The following JAK2 variants were observed in gnomAD, a reference collection of about 807,000 sequenced individuals.
The protein encoded by JAK2 is Janus kinase 2, also known as tyrosine-protein kinase JAK2.
In JAK2, 86 loss-of-function variants were observed where a neutral mutation model predicts 139.3. That is an observed-to-expected ratio of 0.62 (90% CI 0.52 to 0.74). JAK2 has a LOEUF of 0.74. Ranked by LOEUF, JAK2 falls within the 30% of genes least tolerant of loss-of-function variation. JAK2 has a pLI of 0.00. For missense variants in JAK2, 1,421 were observed against 1,360.3 expected (o/e 1.04, Z -0.70); for synonymous variants, 490 against 437.7 (o/e 1.12, Z -1.49).
intron 2 of JAK2, among the ~76,000 whole-genome samples, chr9:4,999,014 A>T (rs918080592): frequency 5.3e-5 from 8 of 151,088 alleles, no homozygotes; most frequent in Non-Finnish European, 8.9e-5. Flanking sequence ...TTCAGTAGAG[A>T]CGGGGTTTCA....
At chr9:5,041,708 T>C (rs1039694766) in intron 4 of JAK2, 1 of 504,512 alleles carries the variant, frequency 2.0e-6, no homozygotes, top group Non-Finnish European at 4.0e-6. Flanking sequence ...TGTTCGACTC[T>C]GAGTACGAGG....
At chr9:5,106,481 A>G (rs1006351787) in intron 22 of JAK2, among the ~76,000 whole-genome samples, 1 of 152,250 alleles carries the variant, frequency 6.6e-6, no homozygotes, top group Non-Finnish European at 1.5e-5. Flanking sequence ...CCACTGCAGA[A>G]GACAGTGTGG....
At chr9:4,989,404 C>G (rs1423935679) in intron 2 of JAK2, among the ~76,000 whole-genome samples, 2 of 151,812 alleles carry the variant, frequency 1.3e-5, no homozygotes, top group Non-Finnish European at 1.5e-5. Context: ...TTAGCCATAT[C>G]TTTTCAAGTT....
intron 2 of JAK2, among the ~76,000 whole-genome samples, chr9:5,004,778 C>T (rs944401453): frequency 6.6e-6 from 1 of 152,142 alleles, no homozygotes; most frequent in African/African-American, 2.4e-5. Flanking sequence ...TCTCCACACA[C>T]TCACCAATGC....
At chr9:5,098,939 C>T (rs779750003) in intron 22 of JAK2, 1 of 152,104 alleles carries the variant, frequency 6.6e-6, no homozygotes, top group African/African-American at 2.4e-5. Flanking sequence ...TGTGTTCCAC[C>T]CACTTCAGCC....
At chr9:4,995,356 A>C (rs557375456) in intron 2 of JAK2, among the ~76,000 whole-genome samples, 1 of 152,182 alleles carries the variant, frequency 6.6e-6, no homozygotes, top group African/African-American at 2.4e-5. Context: ...GTTGTTGTGC[A>C]TCTAGGTAGG....
intron 3 of JAK2, among the ~76,000 whole-genome samples, chr9:5,028,355 C>A (rs1035037588): frequency 6.6e-6 from 1 of 152,182 alleles, no homozygotes; most frequent in Non-Finnish European, 1.5e-5. Context: ...CAGTAAACCA[C>A]GCTATATACA....
intron 4 of JAK2, among the ~76,000 whole-genome samples, chr9:5,043,051 C>A (rs1352761172): frequency 6.6e-6 from 1 of 152,194 alleles, no homozygotes; most frequent in Non-Finnish European, 1.5e-5. Context: ...GGCGCGCGGG[C>A]TCGTGGCTTC....
intron 22 of JAK2, among the ~76,000 whole-genome samples, chr9:5,106,893 C>G (rs1287866135): frequency 6.6e-6 from 1 of 151,788 alleles, no homozygotes; most frequent in African/African-American, 2.4e-5. Context: ...ACAAAGGGGC[C>G]CGGGGGAGGG....
intron 22 of JAK2, among the ~76,000 whole-genome samples, chr9:5,101,486 A>G (rs970265909): frequency 6.6e-6 from 1 of 152,266 alleles, no homozygotes; most frequent in African/African-American, 2.4e-5. Flanking sequence ...AAACTTCTGC[A>G]GACTTAAACG....
chr9:5,043,231 T>C (rs1816748345), intron 4 of JAK2, among the ~76,000 whole-genome samples: 1 of 152,170 alleles, frequency 6.6e-6, no homozygotes, highest in Non-Finnish European at 1.5e-5. Context: ...GCCGTGAGTC[T>C]GGTTTTTGCT....
At chr9:5,031,973 C>T (rs79633633) in intron 4 of JAK2, among the ~76,000 whole-genome samples, 15 of 152,348 alleles carry the variant, frequency 9.8e-5, no homozygotes, top group African/African-American at 3.4e-4. Context: ...TCGCCACACC[C>T]GGGAAGCGCA....
chr9:5,079,178 A>T lies in JAK2; in HGVS notation c.2131+734A>T, dbSNP rs545667996. On this transcript the variant is annotated intron_variant, in intron 16 of 24. Transcript: ENST00000381652. ...GTAGGGAGTATGGCAGAAAATTCTT[A>T]CAGGGTCTTACATCTGGTATCCTGG... is the stretch of plus-strand genomic sequence containing the variant. Among the ~76,000 whole-genome samples the T allele has an allele frequency of 2.0e-5, 3 of 152,320 alleles. No homozygotes were observed. In the South Asian group the frequency reaches 6.2e-4, roughly 32 times the overall value.
At chr9:5,058,344 G>A (rs1191673320) in intron 8 of JAK2, among the ~76,000 whole-genome samples, 2 of 152,158 alleles carry the variant, frequency 1.3e-5, no homozygotes, top group Non-Finnish European at 2.9e-5. Flanking sequence ...TGAAGGGCAA[G>A]GAAGCCATGT....
chr9:5,042,617 C>T (rs1319697742), intron 4 of JAK2, among the ~76,000 whole-genome samples: 1 of 121,930 alleles, frequency 8.2e-6, no homozygotes, highest in Non-Finnish European at 1.7e-5. Flanking sequence ...CCAGCTGCCC[C>T]CGTTAGCGTC....
At chr9:5,086,233 A>C (rs1460730815) in intron 19 of JAK2, 3 of 604,596 alleles carry the variant, frequency 5.0e-6, no homozygotes, top group Non-Finnish European at 6.4e-6. Context: ...TCGGAGTCTG[A>C]AAGTCGCGGT....
rs962368560 is a variant in JAK2, at chr9:5,127,567, A to G, written c.*776A>G. 6 of 231,382 alleles carry G rather than the reference A, an allele frequency of 2.6e-5. No individual in the cohort carries two copies. Among genetic ancestry groups the G allele is most frequent in the African/African-American group, 1.3e-4 (6 of 45,208 alleles). 14.3% of individuals were successfully genotyped at this position (231,382 alleles called of 1,614,324 possible). On this transcript the variant is annotated 3_prime_UTR_variant, in exon 25 of 25. Transcript: ENST00000381652. ...TATTTGTGGTGAATGTGTTTTTTAA[A>G]TGGAACTATCTCCAAATTTTTCTAA...
At chr9:5,078,662 A>G (rs1819475323) in intron 16 of JAK2, among the ~76,000 whole-genome samples, 1 of 152,146 alleles carries the variant, frequency 6.6e-6, no homozygotes, top group African/African-American at 2.4e-5. Context: ...GATTTTTTAA[A>G]AACAGTTTTA....
chr9:5,069,894 G>A, intron 11 of JAK2, 31 bp from the exon 12 acceptor site: 2 of 1,448,948 alleles, frequency 1.4e-6, no homozygotes, highest in Non-Finnish European at 1.9e-6. Flanking sequence ...AGTGTATTTT[G>A]AAGTGATATA....
Sources: gnomAD v4.1 joint callset for allele counts (sites outside exome capture counted in the v4.1 genomes callset) on GRCh38, gnomAD v4.1.1 for gene constraint, MANE v1.5 for transcripts, NCBI Gene and HGNC (gene_info 2026-07-23, HGNC 2026-07-21) for gene names.